TICAM2: variants seen among roughly 807,000 people sequenced by gnomAD.
The protein encoded by TICAM2 is TIR domain-containing adapter molecule 2.
Under a neutral mutation model 7.3 loss-of-function variants are expected in TICAM2, and 8 were observed. That is an observed-to-expected ratio of 1.10 (90% CI 0.65 to 1.99). The LOEUF (loss-of-function observed/expected upper bound fraction) is 1.99, where lower values mean the gene tolerates loss of function less well. Among genes scored for constraint, TICAM2 ranks in the 30% most tolerant of loss-of-function variants. The pLI is 0.00. For synonymous variants in TICAM2, 113 were observed against 99.6 expected (o/e 1.13, Z -0.80); for missense variants, 304 against 278.8 (o/e 1.09, Z -0.65).
chr5:115,590,626 C>T (rs965386279), intron 1 of TICAM2, among the ~76,000 whole-genome samples: 4 of 152,194 alleles, frequency 2.6e-5, no homozygotes, highest in African/African-American at 9.7e-5. Flanking sequence ...CAGATGTATA[C>T]AGATGTCTGA....
At chr5:115,592,725 T>C (rs781358589) in intron 1 of TICAM2, among the ~76,000 whole-genome samples, 1 of 152,194 alleles carries the variant, frequency 6.6e-6, no homozygotes. Flanking sequence ...GTCTAACTCA[T>C]GATTATTACT....
At chr5:115,588,981 T>TC (rs1453163567) in intron 1 of TICAM2, among the ~76,000 whole-genome samples, 3 of 152,320 alleles carry the variant, frequency 2.0e-5, no homozygotes, top group Non-Finnish European at 4.4e-5. Context: ...TCTTGTAATA[T>TC]CTCATAAGAC....
intron 1 of TICAM2, among the ~76,000 whole-genome samples, chr5:115,601,554 A>C (rs1012594119): frequency 6.6e-6 from 1 of 152,186 alleles, no homozygotes; most frequent in Non-Finnish European, 1.5e-5. Flanking sequence ...TCAAAATTAA[A>C]AGGATAAATT....
chr5:115,588,476 G>A (rs1024617589), intron 1 of TICAM2, among the ~76,000 whole-genome samples: 3 of 152,212 alleles, frequency 2.0e-5, no homozygotes, highest in African/African-American at 7.2e-5. Context: ...TTGGGAGATA[G>A]CATGCCATTA....
intron 1 of TICAM2, among the ~76,000 whole-genome samples, chr5:115,585,823 G>A (rs1323802990): frequency 6.6e-6 from 1 of 152,114 alleles, no homozygotes. Context: ...GCTGCACTGA[G>A]AATAGAAGGC....
chr5:115,585,015 T>C (rs1356155362), intron 1 of TICAM2, among the ~76,000 whole-genome samples: 1 of 152,194 alleles, frequency 6.6e-6, no homozygotes, highest in Admixed American at 6.5e-5. Flanking sequence ...GATTTAAAAT[T>C]CCATTTCATG....
intron 1 of TICAM2, among the ~76,000 whole-genome samples, chr5:115,594,930 G>A (rs1475393927): frequency 6.6e-6 from 1 of 152,094 alleles, no homozygotes; most frequent in African/African-American, 2.4e-5. Context: ...CATCTGAGAT[G>A]ATGGATACAG....
At position 115,580,820 on chromosome 5, in the gene TICAM2, T is replaced by A. The variant is rs1754893419; in HGVS notation, c.437A>T (p.Asp146Val). 2 of 1,602,790 alleles carry A rather than the reference T, an allele frequency of 1.2e-6. No homozygotes were observed. The highest frequency in any genetic ancestry group is 1.7e-6 in the Non-Finnish European group (2 of 1,173,780). The stretch of plus-strand genomic sequence containing the variant: ...ATAGAACTGGAAATTACACCAAGTA[T>A]CTCTTAAAAAGTTTTCAGTCAGTAA... The part of the protein sequence containing the change: ...ILLLTENFLR[D>V]TWCNFQFYTS... The change falls in exon 2 of 2, where the codon GAT becomes GTT. Residue 146 changes from aspartate to valine, a missense_variant. Physicochemically the swap from Asp to Val is radical, Grantham distance 152 (BLOSUM62 -3). Transcript: ENST00000427199.
chr5:115,597,040 C>T (rs754929464), intron 1 of TICAM2, among the ~76,000 whole-genome samples: 4 of 152,214 alleles, frequency 2.6e-5, no homozygotes, highest in Non-Finnish European at 4.4e-5. Context: ...CAGACTGGTG[C>T]CACCCTTGTT....
At chr5:115,594,740 G>A (rs1410461115) in intron 1 of TICAM2, among the ~76,000 whole-genome samples, 2 of 152,230 alleles carry the variant, frequency 1.3e-5, no homozygotes, top group Non-Finnish European at 2.9e-5. Context: ...CACAGAAAAA[G>A]AGGATACAAA....
At position 115,580,561 on chromosome 5, in the gene TICAM2, T is replaced by C. The variant is rs1210767186; in HGVS notation, c.696A>G (p.Gln232=). The part of the protein sequence containing the change: ...WKETRNMVQR[Q]FIA Reference sequence around the variant, plus strand: ...TATATGTTTCATCTCAGGCAATAAATTGTCTTTGTACCATATTTCTTGTCT... The same window carrying C: ...TATATGTTTCATCTCAGGCAATAAACTGTCTTTGTACCATATTTCTTGTCT... Residue 232 remains glutamine, a synonymous_variant, in exon 2 of 2, where the codon CAA becomes CAG. Transcript: ENST00000427199. The C allele has an allele frequency of 3.8e-6, 6 of 1,590,932 alleles. No homozygotes were observed. The highest frequency in any genetic ancestry group is 2.3e-5 in the South Asian group (2 of 86,850).
intron 1 of TICAM2, among the ~76,000 whole-genome samples, chr5:115,588,475 A>G (rs1561575576): frequency 6.6e-6 from 1 of 152,210 alleles, no homozygotes; most frequent in Non-Finnish European, 1.5e-5. Context: ...ATTGGGAGAT[A>G]GCATGCCATT....
intron 1 of TICAM2, among the ~76,000 whole-genome samples, chr5:115,585,330 A>G (rs899058247): frequency 2.0e-5 from 3 of 152,234 alleles, no homozygotes; most frequent in East Asian, 3.8e-4. Flanking sequence ...AGCGTAGTCC[A>G]TGAACAAGAT....
At chr5:115,581,431 T>C (rs749970673) in intron 1 of TICAM2, 116 bp from the exon 2 acceptor site, 5 of 1,198,280 alleles carry the variant, frequency 4.2e-6, no homozygotes, top group Non-Finnish European at 5.7e-6. Flanking sequence ...TCCAAATACA[T>C]AAACGACAAA....
At chr5:115,597,931 T>C (rs892267766) in intron 1 of TICAM2, among the ~76,000 whole-genome samples, 25 of 152,208 alleles carry the variant, frequency 1.6e-4, no homozygotes, top group African/African-American at 5.8e-4. Context: ...ACCAAAAAGG[T>C]AACATTGATC....
intron 1 of TICAM2, among the ~76,000 whole-genome samples, chr5:115,591,070 A>G (rs1443713033): frequency 2.0e-5 from 3 of 150,208 alleles, no homozygotes; most frequent in Non-Finnish European, 4.5e-5. Context: ...GACAAAATAG[A>G]AAAAAAAAAT....
At chr5:115,581,435 C>T (rs562321936) in intron 1 of TICAM2, 120 bp from the exon 2 acceptor site, 106 of 1,169,146 alleles carry the variant, frequency 9.1e-5, no homozygotes, top group Middle Eastern at 5.7e-4. Flanking sequence ...AATACATAAA[C>T]GACAAACAGA....
At position 115,600,080 on chromosome 5, in the gene TICAM2, T is replaced by A. The variant is rs111589902; in HGVS notation, c.-60+2017A>T. Among the ~76,000 whole-genome samples, 1,338 of 152,066 alleles carry A rather than the reference T, an allele frequency of 8.8e-3. 15 individuals carry two copies. The highest frequency in any genetic ancestry group is 0.031 in the African/African-American group (1,274 of 41,456). On this transcript the variant is annotated intron_variant, in intron 1 of 1. Transcript: ENST00000427199. ...GGCAGATCTGGGTAGAGTCAACAGATTTTGTTGGATGCTTGGATGCGGAGT... is the reference window on the plus strand; with the variant it reads ...GGCAGATCTGGGTAGAGTCAACAGAATTTGTTGGATGCTTGGATGCGGAGT...
At chr5:115,591,671 G>C (rs1261152259) in intron 1 of TICAM2, among the ~76,000 whole-genome samples, 2 of 152,072 alleles carry the variant, frequency 1.3e-5, no homozygotes, top group Non-Finnish European at 2.9e-5. Flanking sequence ...GATTAGATCA[G>C]CAGCAGAAGG....
Sources: gnomAD v4.1 joint callset for allele counts (sites outside exome capture counted in the v4.1 genomes callset) on GRCh38, gnomAD v4.1.1 for gene constraint, MANE v1.5 for transcripts, NCBI Gene and HGNC (gene_info 2026-07-23, HGNC 2026-07-21) for gene names.